PXDNL: variants seen among roughly 807,000 people sequenced by gnomAD.
The protein encoded by PXDNL is probable oxidoreductase PXDNL.
A neutral mutation model predicts 150.8 loss-of-function variants in PXDNL; 145 were observed. The observed-to-expected ratio is 0.96, with a 90% CI of 0.84 to 1.10. The LOEUF (loss-of-function observed/expected upper bound fraction) is 1.10. Ranked by LOEUF, PXDNL falls within the 50% of genes least tolerant of loss-of-function variation. The pLI is 0.00. For synonymous variants in PXDNL, 757 were observed against 725.7 expected (o/e 1.04, Z -0.69); for missense variants, 2,087 against 1,873.9 (o/e 1.11, Z -2.10).
intron 3 of PXDNL, among the ~76,000 whole-genome samples, chr8:51,567,748 G>A (rs755669078): frequency 2.6e-5 from 4 of 151,468 alleles, no homozygotes; most frequent in Admixed American, 6.6e-5. Context: ...AGGACCTCTC[G>A]AGGACACCAA....
At chr8:51,723,007 A>T (rs1462952494) in intron 1 of PXDNL, among the ~76,000 whole-genome samples, 1 of 152,010 alleles carries the variant, frequency 6.6e-6, no homozygotes, top group Admixed American at 6.6e-5. Context: ...AGAACAGCTG[A>T]GATTAGGTGC....
intron 1 of PXDNL, among the ~76,000 whole-genome samples, chr8:51,694,711 T>C (rs1420278134): frequency 6.6e-6 from 1 of 152,212 alleles, no homozygotes; most frequent in East Asian, 1.9e-4. Flanking sequence ...CTCTCTATTC[T>C]CCAGCTTTTC....
At chr8:51,344,086 T>C (rs900900302) in intron 20 of PXDNL, among the ~76,000 whole-genome samples, 7 of 152,132 alleles carry the variant, frequency 4.6e-5, no homozygotes, top group Non-Finnish European at 8.8e-5. Context: ...CATTCATTCA[T>C]TCATTTTGGG....
intron 4 of PXDNL, among the ~76,000 whole-genome samples, chr8:51,529,610 T>C (rs1423108662): frequency 6.6e-6 from 1 of 152,168 alleles, no homozygotes; most frequent in African/African-American, 2.4e-5. Context: ...CCCTAACCCA[T>C]CTCATCCATC....
chr8:51,446,938 G>A, intron 12 of PXDNL, 66 bp downstream of exon 12: 2 of 1,390,020 alleles, frequency 1.4e-6, no homozygotes, highest in South Asian at 1.2e-5. Flanking sequence ...ATCCCTGTCA[G>A]GTGTGTTAAA....
At chr8:51,592,313 G>A (rs1813460791) in intron 3 of PXDNL, among the ~76,000 whole-genome samples, 1 of 152,170 alleles carries the variant, frequency 6.6e-6, no homozygotes, top group Admixed American at 6.5e-5. Context: ...TGTGTGTATG[G>A]AATTTTTTTA....
chr8:51,455,115 C>CAAAAAAAAAAAAAAAAAAAAAAA (rs536468204), intron 9 of PXDNL, among the ~76,000 whole-genome samples: 2 of 15,858 alleles, frequency 1.3e-4, no homozygotes, highest in Admixed American at 1.6e-3. Context: ...GACTCCGTCT[C>CAAAAAAAAAAAAAAAAAAAAAAA]AAAAAAAAAA....
chr8:51,770,994 G>A (rs1012549112), intron 1 of PXDNL, among the ~76,000 whole-genome samples: 13 of 152,188 alleles, frequency 8.5e-5, no homozygotes, highest in Non-Finnish European at 1.3e-4. Flanking sequence ...CAGCAGCAGC[G>A]ATGGCAGAAT....
At chr8:51,388,599 C>T (rs1807798371) in intron 17 of PXDNL, among the ~76,000 whole-genome samples, 1 of 152,120 alleles carries the variant, frequency 6.6e-6, no homozygotes, top group Admixed American at 6.5e-5. Context: ...AATGTGAGGA[C>T]TCAAGTCTTT....
At chr8:51,596,877 T>C (rs1394629757) in intron 2 of PXDNL, among the ~76,000 whole-genome samples, 2 of 152,198 alleles carry the variant, frequency 1.3e-5, no homozygotes, top group African/African-American at 4.8e-5. Flanking sequence ...CTGTTTTTAG[T>C]TTATTTTGCT....
intron 5 of PXDNL, among the ~76,000 whole-genome samples, chr8:51,493,491 G>C (rs2130244463): frequency 6.6e-6 from 1 of 152,230 alleles, no homozygotes; most frequent in South Asian, 2.1e-4. Context: ...CCGAGCTAAA[G>C]GAGGAAGTTC....
intron 4 of PXDNL, among the ~76,000 whole-genome samples, chr8:51,546,139 T>G (rs1812357630): frequency 6.6e-6 from 1 of 152,212 alleles, no homozygotes; most frequent in Admixed American, 6.5e-5. Flanking sequence ...TAGCAGCTGC[T>G]TGCTGCTACA....
At chr8:51,562,963 A>G (rs1241157419) in intron 3 of PXDNL, among the ~76,000 whole-genome samples, 1 of 151,956 alleles carries the variant, frequency 6.6e-6, no homozygotes, top group Non-Finnish European at 1.5e-5. Flanking sequence ...GAGCTGTCAC[A>G]GGAGAGGTTG....
At chr8:51,506,757 C>T (rs950297255) in intron 4 of PXDNL, among the ~76,000 whole-genome samples, 15 of 151,926 alleles carry the variant, frequency 9.9e-5, no homozygotes, top group African/African-American at 3.6e-4. Context: ...GTGGTTCTTC[C>T]TGGAAAAATG....
At chr8:51,324,761 T>A (rs1002447748) in intron 21 of PXDNL, among the ~76,000 whole-genome samples, 6 of 152,240 alleles carry the variant, frequency 3.9e-5, no homozygotes, top group African/African-American at 1.4e-4. Context: ...AGTTTTCAGT[T>A]CCAAAATCTC....
intron 1 of PXDNL, among the ~76,000 whole-genome samples, chr8:51,796,216 A>C (rs757884928): frequency 9.2e-5 from 14 of 152,116 alleles, no homozygotes; most frequent in Non-Finnish European, 2.1e-4. Flanking sequence ...AGAACCAGAG[A>C]ACTAAGAGAA....
chr8:51,491,857 T>C (rs1327849254), intron 5 of PXDNL, among the ~76,000 whole-genome samples: 2 of 152,266 alleles, frequency 1.3e-5, no homozygotes, highest in Non-Finnish European at 1.5e-5. Flanking sequence ...ACCATTGTGA[T>C]GCTAAATCTT....
At chr8:51,390,742 T>A (rs538924570) in intron 17 of PXDNL, among the ~76,000 whole-genome samples, 42 of 152,156 alleles carry the variant, frequency 2.8e-4, no homozygotes, top group Non-Finnish European at 5.3e-4. Flanking sequence ...TTTTCTTTTT[T>A]TTTTATTTTA....
intron 17 of PXDNL, among the ~76,000 whole-genome samples, chr8:51,382,255 C>A (rs545740386): frequency 6.6e-6 from 1 of 152,206 alleles, no homozygotes; most frequent in South Asian, 2.1e-4. Context: ...CAAGGGTTGC[C>A]GGGAAACCAC....
Sources: allele counts gnomAD v4.1 joint callset (sites outside exome capture counted in the v4.1 genomes callset), GRCh38; gene constraint gnomAD v4.1.1; transcripts MANE v1.5; gene names NCBI Gene and HGNC (gene_info 2026-07-23, HGNC 2026-07-21).